The following CHSY3 variants were observed in gnomAD, a reference collection of about 807,000 sequenced individuals.
CHSY3 encodes N-acetylgalactosaminyl-proteoglycan 3-beta-glucuronosyltransferase 3.
In CHSY3, 35 loss-of-function variants were observed where a neutral mutation model predicts 67.2. The observed-to-expected ratio is 0.52, with a 90% CI of 0.40 to 0.69. The LOEUF is 0.69. Among genes scored for constraint, CHSY3 ranks in the 30% least tolerant of loss-of-function variants. CHSY3 has a pLI of 0.00. For synonymous variants in CHSY3, 474 were observed against 434.7 expected (o/e 1.09, Z -1.12); for missense variants, 1,069 against 1,138.5 (o/e 0.94, Z 0.88).
chr5:130,084,135 T>C (rs2149688156), intron 2 of CHSY3, among the ~76,000 whole-genome samples: 1 of 152,152 alleles, frequency 6.6e-6, no homozygotes, highest in East Asian at 1.9e-4. Context: ...ATTAGTTCTA[T>C]GATATCCTTC....
chr5:130,004,191 T>A (rs1373110859), intron 2 of CHSY3, among the ~76,000 whole-genome samples: 3 of 152,222 alleles, frequency 2.0e-5, no homozygotes, highest in Non-Finnish European at 4.4e-5. Flanking sequence ...GGAAGTTGTT[T>A]CTCATTTGTT....
intron 2 of CHSY3, among the ~76,000 whole-genome samples, chr5:129,918,564 C>A (rs931890054): frequency 6.6e-6 from 1 of 152,004 alleles, no homozygotes; most frequent in Admixed American, 6.6e-5. Flanking sequence ...AAGAAATGCC[C>A]GAGGAGAGCA....
chr5:129,999,825 G>A (rs1763666444), intron 2 of CHSY3, among the ~76,000 whole-genome samples: 1 of 152,036 alleles, frequency 6.6e-6, no homozygotes, highest in African/African-American at 2.4e-5. Flanking sequence ...TTAGGTAGCT[G>A]CAAGATAATG....
At chr5:129,924,912 C>A (rs960721205) in intron 2 of CHSY3, among the ~76,000 whole-genome samples, 1 of 152,056 alleles carries the variant, frequency 6.6e-6, no homozygotes, top group African/African-American at 2.4e-5. Flanking sequence ...TAATGATTAT[C>A]CCTCTTTAAT....
chr5:130,063,561 A>C (rs1765778937), intron 2 of CHSY3, among the ~76,000 whole-genome samples: 1 of 152,120 alleles, frequency 6.6e-6, no homozygotes. Context: ...AATTGAAGAG[A>C]ATGTACTCTC....
At chr5:130,166,471 A>G (rs772035426) in intron 2 of CHSY3, among the ~76,000 whole-genome samples, 27 of 152,162 alleles carry the variant, frequency 1.8e-4, no homozygotes, top group Non-Finnish European at 2.6e-4. Context: ...GTCTCCAGTA[A>G]GGATATATCA....
intron 2 of CHSY3, among the ~76,000 whole-genome samples, chr5:130,115,264 G>A (rs1358981494): frequency 4.0e-5 from 6 of 151,624 alleles, no homozygotes; most frequent in Non-Finnish European, 8.8e-5. Context: ...CATAAATACA[G>A]AGAACATAAT....
rs753466495 is a variant in CHSY3, at chr5:130,185,300, G to A, written c.2158G>A (p.Asp720Asn). The A allele has an allele frequency of 6.2e-7, 1 of 1,612,242 alleles. No homozygotes were observed. Among genetic ancestry groups the A allele is most frequent in the Non-Finnish European group, 8.5e-7 (1 of 1,178,406 alleles). ...CACTTTGCTGCTATTTTGTGATGTT[G>A]ACTTGATCTTCAGAGAAGATTTTCT... is the stretch of plus-strand genomic sequence containing the variant. ...NDTLLLFCDV[D>N]LIFREDFLQR... The change falls in exon 3 of 3, where the codon GAC becomes AAC. Residue 720 changes from aspartate (D) to asparagine (N), a missense_variant. By Grantham distance (23) the Asp-to-Asn change is conservative. Around this residue, in one of 5 missense-constraint regions of CHSY3, gnomAD observed 401 missense variants for 395.2 expected, o/e 1.01. Transcript: ENST00000305031.
intron 2 of CHSY3, among the ~76,000 whole-genome samples, chr5:129,968,141 A>G (rs1762519087): frequency 6.6e-6 from 1 of 151,822 alleles, no homozygotes; most frequent in South Asian, 2.1e-4. Context: ...TGCCTTGTTA[A>G]ATATATACTG....
intron 2 of CHSY3, among the ~76,000 whole-genome samples, chr5:129,951,537 T>A (rs890226360): frequency 2.0e-5 from 3 of 152,244 alleles, no homozygotes; most frequent in Non-Finnish European, 4.4e-5. Flanking sequence ...AAATTAATAA[T>A]GTATATCAAT....
chr5:129,960,388 A>G lies in CHSY3; in HGVS notation c.1086+52028A>G, dbSNP rs138904310. ...CTTTAAAATGGTCATTGAGGTTGGG[A>G]TTTTGTCACTGGGTATACTTTTTAA... On this transcript the variant is annotated intron_variant, in intron 2 of 2. Coordinates refer to ENST00000305031, the MANE Select transcript of CHSY3 (RefSeq NM_175856.5). 1.7e-4 allele frequency among the ~76,000 whole-genome samples: 26 copies of G among 152,100 alleles called. No homozygotes were observed. In the East Asian group the frequency reaches 5.0e-3, roughly 29 times the overall value.
At chr5:130,034,616 G>A (rs1764795739) in intron 2 of CHSY3, among the ~76,000 whole-genome samples, 1 of 152,066 alleles carries the variant, frequency 6.6e-6, no homozygotes, top group Non-Finnish European at 1.5e-5. Context: ...ATAGAAGTTA[G>A]ACTCTAAAGA....
Position 130,182,419 on chromosome 5 carries a change from A to AT in CHSY3, c.1087-1802dup, listed in dbSNP as rs199669200. On this transcript the variant is annotated intron_variant, in intron 2 of 2. Coordinates refer to ENST00000305031, the MANE Select transcript of CHSY3 (RefSeq NM_175856.5). Reference sequence around the variant, plus strand: ...GGTTCTTTTTCATAAAATCTATTGAATTTTTTTTCTCCTGCTCTGTAATTG... The same window carrying AT: ...GGTTCTTTTTCATAAAATCTATTGAATTTTTTTTTCTCCTGCTCTGTAATTG... Among the ~76,000 whole-genome samples, 95 of 151,444 alleles carry AT rather than the reference A, an allele frequency of 6.3e-4. 1 individual carries two copies. In the East Asian group the frequency reaches 0.015, roughly 24 times the overall value.
intron 2 of CHSY3, among the ~76,000 whole-genome samples, chr5:130,045,065 A>G (rs1464659453): frequency 6.6e-6 from 1 of 152,080 alleles, no homozygotes; most frequent in East Asian, 1.9e-4. Context: ...ACATGGCTTA[A>G]GTAGCAGCCT....
At chr5:129,979,813 CT>C (rs894454863) in intron 2 of CHSY3, among the ~76,000 whole-genome samples, 3 of 152,126 alleles carry the variant, frequency 2.0e-5, no homozygotes, top group Admixed American at 2.0e-4. Flanking sequence ...ATAGTTTAGC[CT>C]TTTCCAGAAT....
chr5:130,152,124 G>A (rs1769250482), intron 2 of CHSY3, among the ~76,000 whole-genome samples: 1 of 152,148 alleles, frequency 6.6e-6, no homozygotes, highest in Non-Finnish European at 1.5e-5. Context: ...GAAAAAGTCT[G>A]AAAATCTGCA....
At position 129,908,325 on chromosome 5, in the gene CHSY3, C is replaced by T. The variant is rs564978476; in HGVS notation, c.1051C>T (p.Arg351Cys). ...TGTGGAAGTAGGAAGATGCGTTCGC[C>T]GTTTTGGTGGGACTCAGTGTGTCTG... Reference protein sequence around the residue: ...EDVEVGRCVRRFGGTQCVWSY... With the variant: ...EDVEVGRCVRCFGGTQCVWSY... The change falls in exon 2 of 3, where the codon CGT becomes TGT. Residue 351 changes from arginine (R) to cysteine (C), a missense_variant. By Grantham distance (180) the Arg-to-Cys change is radical. Transcript: ENST00000305031. 3.7e-6 allele frequency: 6 copies of T among 1,613,932 alleles called. No individual in the cohort carries two copies. In the African/African-American group the frequency reaches 4.0e-5, roughly 11 times the overall value.
At chr5:130,092,310 G>A (rs1766907938) in intron 2 of CHSY3, among the ~76,000 whole-genome samples, 1 of 152,130 alleles carries the variant, frequency 6.6e-6, no homozygotes, top group South Asian at 2.1e-4. Flanking sequence ...CAAATCTTGA[G>A]TTACAGATGC....
rs1037699775 is a variant in CHSY3 at position 129,904,737 on chromosome 5, G to A, written c.-93G>A. On this transcript the variant is annotated 5_prime_UTR_variant, in exon 1 of 3. Transcript: ENST00000305031. ...GCGGCCGGCTGCGGCCGCGGCTGGG[G>A]GCGCAAAGGCGGAGGAGGGGCGGGT... is the stretch of plus-strand genomic sequence containing the variant. 28 of 1,232,472 alleles carry A rather than the reference G, an allele frequency of 2.3e-5. No homozygotes were observed. The highest frequency in any genetic ancestry group is 2.6e-5 in the Non-Finnish European group (26 of 988,950). 76.3% of individuals were successfully genotyped at this position (1,232,472 alleles called of 1,614,324 possible). A position where few individuals can be genotyped will look rare whatever the true frequency, so the allele number is the denominator to read the frequency against.
Sources: gnomAD v4.1 joint callset for allele counts (sites outside exome capture counted in the v4.1 genomes callset) on GRCh38, gnomAD v4.1.1 for gene constraint, gnomAD v4.1.1 regional missense constraint, MANE v1.5 for transcripts, NCBI Gene and HGNC (gene_info 2026-07-23, HGNC 2026-07-21) for gene names.